RAD51B: variants seen among roughly 807,000 people sequenced by gnomAD.
The protein encoded by RAD51B is DNA repair protein RAD51 homolog 2.
RAD51B carries 38 observed loss-of-function variants against 42.2 expected under a neutral mutation model. The observed-to-expected ratio is 0.90, with a 90% CI of 0.70 to 1.18. The LOEUF (loss-of-function observed/expected upper bound fraction) is 1.18, where lower values mean the gene tolerates loss of function less well. RAD51B is among the 50% of genes most tolerant of loss of function. RAD51B has a pLI of 0.00. For synonymous variants in RAD51B, 154 were observed against 145.2 expected (o/e 1.06, Z -0.43); for missense variants, 373 against 400.7 (o/e 0.93, Z 0.59).
chr14:67,822,810 C>G (rs141592266), intron 1 of RAD51B, among the ~76,000 whole-genome samples: 4 of 152,232 alleles, frequency 2.6e-5, no homozygotes, highest in African/African-American at 9.6e-5. Context: ...AAGGTGTGCT[C>G]TGACTCCTAG....
chr14:68,147,623 C>T (rs180984074), intron 7 of RAD51B, among the ~76,000 whole-genome samples: 1 of 152,262 alleles, frequency 6.6e-6, no homozygotes, highest in Admixed American at 6.5e-5. Flanking sequence ...GTATCCCCTT[C>T]AAGTGCCCAC....
downstream of RAD51B, among the ~76,000 whole-genome samples, chr14:68,598,541 C>A (rs536156116): frequency 6.6e-6 from 1 of 152,320 alleles, no homozygotes; most frequent in Non-Finnish European, 1.5e-5. Context: ...TGTAGCAGAT[C>A]CAGGAGTAAA....
intron 8 of RAD51B, chr14:68,338,606 T>G (rs911254): frequency 3.5e-6 from 1 of 287,446 alleles, no homozygotes; most frequent in Non-Finnish European, 6.7e-6. Flanking sequence ...GTAGGTTAAG[T>G]TTGGAGGCTA....
chr14:68,434,873 G>C (rs2085108984), intron 9 of RAD51B, among the ~76,000 whole-genome samples: 1 of 152,074 alleles, frequency 6.6e-6, no homozygotes, highest in African/African-American at 2.4e-5. Flanking sequence ...TTCCTATTCA[G>C]CCATCTTGGA....
intron 7 of RAD51B, among the ~76,000 whole-genome samples, chr14:68,274,368 C>T (rs1238203205): frequency 6.6e-6 from 1 of 152,106 alleles, no homozygotes; most frequent in Non-Finnish European, 1.5e-5. Flanking sequence ...TAAAATTTAT[C>T]TCTGGAACAC....
intron 11 of RAD51B, among the ~76,000 whole-genome samples, chr14:68,658,493 G>A (rs1892865904): frequency 6.6e-6 from 1 of 152,240 alleles, no homozygotes; most frequent in Admixed American, 6.5e-5. Context: ...CCGTCATAGT[G>A]CCAAGGATAG....
At chr14:68,339,849 T>A (rs972039907) in intron 8 of RAD51B, among the ~76,000 whole-genome samples, 1 of 152,246 alleles carries the variant, frequency 6.6e-6, no homozygotes, top group African/African-American at 2.4e-5. Context: ...GATAGCAATC[T>A]AATAGCACAG....
At chr14:68,636,800 A>C (rs1286571427) in intron 10 of RAD51B, among the ~76,000 whole-genome samples, 1 of 152,150 alleles carries the variant, frequency 6.6e-6, no homozygotes, top group African/African-American at 2.4e-5. Flanking sequence ...AAACACATAC[A>C]AGAGCAGGCT....
intron 7 of RAD51B, among the ~76,000 whole-genome samples, chr14:67,966,275 T>C (rs2074775895): frequency 6.6e-6 from 1 of 152,156 alleles, no homozygotes; most frequent in Non-Finnish European, 1.5e-5. Context: ...GAGCCAGAGA[T>C]GATGGGTTTA....
At chr14:68,494,279 CAAAA>C (rs3074525) in intron 10 of RAD51B, among the ~76,000 whole-genome samples, 1,933 of 123,060 alleles carry the variant, frequency 0.016, 40 homozygotes, top group African/African-American at 0.051. Flanking sequence ...GATTCCGTCT[CAAAA>C]AAAAAAAAAA....
At chr14:68,564,932 C>T (rs1889348962) in intron 10 of RAD51B, among the ~76,000 whole-genome samples, 1 of 152,252 alleles carries the variant, frequency 6.6e-6, no homozygotes, top group Non-Finnish European at 1.5e-5. Flanking sequence ...TGACATCCGT[C>T]ATGTGGCCAC....
intron 8 of RAD51B, among the ~76,000 whole-genome samples, chr14:68,302,167 G>A (rs34186721): frequency 0.018 from 2,674 of 152,222 alleles, 67 homozygotes; most frequent in East Asian, 0.055. Flanking sequence ...ATATTTATTA[G>A]CCACCTACCA....
chr14:68,168,318 A>G (rs952190022), intron 7 of RAD51B, among the ~76,000 whole-genome samples: 8 of 152,096 alleles, frequency 5.3e-5, no homozygotes, highest in Admixed American at 3.3e-4. Context: ...AACGTCTTTT[A>G]TGTCTTTGAT....
intron 7 of RAD51B, among the ~76,000 whole-genome samples, chr14:67,948,341 T>A (rs1319642995): frequency 6.6e-6 from 1 of 152,196 alleles, no homozygotes; most frequent in Non-Finnish European, 1.5e-5. Flanking sequence ...CCTACAAATA[T>A]ACAGTGAACT....
At chr14:68,280,657 G>A (rs1296248015) in intron 7 of RAD51B, among the ~76,000 whole-genome samples, 1 of 152,194 alleles carries the variant, frequency 6.6e-6, no homozygotes, top group African/African-American at 2.4e-5. Context: ...GGTTAGAGAT[G>A]TAGAAACACA....
At chr14:68,050,477 T>C (rs960586555) in intron 7 of RAD51B, among the ~76,000 whole-genome samples, 1 of 152,186 alleles carries the variant, frequency 6.6e-6, no homozygotes, top group Non-Finnish European at 1.5e-5. Context: ...TATATTTTCA[T>C]GTAATACAGT....
At chr14:68,359,213 G>A (rs1566831406) in intron 8 of RAD51B, among the ~76,000 whole-genome samples, 2 of 151,902 alleles carry the variant, frequency 1.3e-5, no homozygotes, top group Non-Finnish European at 2.9e-5. Flanking sequence ...CCTGTCCGAG[G>A]GTGGGGAATT....
rs1426128931 is a variant in RAD51B, at chr14:67,881,677, T to C, written c.453-4192T>C. 2.0e-5 allele frequency among the ~76,000 whole-genome samples: 3 copies of C among 151,632 alleles called. No homozygotes were observed. In the East Asian group the frequency reaches 5.8e-4, roughly 29 times the overall value. The stretch of plus-strand genomic sequence containing the variant: ...GGTGATTGTAAGCTCATTGTGTTTG[T>C]TTCCTTTCTCTCAAGGATTACAGTC... On this transcript the variant is annotated intron_variant, in intron 5 of 10. Coordinates refer to ENST00000471583, the MANE Select transcript of RAD51B (RefSeq NM_133510.4).
intron 9 of RAD51B, among the ~76,000 whole-genome samples, chr14:68,465,961 AATAAAT>A (rs1228187975): frequency 3.7e-5 from 4 of 107,860 alleles, no homozygotes; most frequent in African/African-American, 5.9e-5. Context: ...AAAATAAATA[AATAAAT>A]AAATAAATAA....
Sources: allele counts gnomAD v4.1 joint callset (sites outside exome capture counted in the v4.1 genomes callset), GRCh38; gene constraint gnomAD v4.1.1; transcripts MANE v1.5; gene names NCBI Gene and HGNC (gene_info 2026-07-23, HGNC 2026-07-21).